ESRRG: variants seen among roughly 807,000 people sequenced by gnomAD.
The protein encoded by ESRRG is estrogen-related receptor gamma.
ESRRG carries 13 observed loss-of-function variants against 44.0 expected under a neutral mutation model. The observed-to-expected ratio is 0.30, with a 90% CI of 0.19 to 0.47. ESRRG has a LOEUF of 0.47. ESRRG is among the 20% of genes least tolerant of loss of function. ESRRG has a pLI of 1.00. For missense variants in ESRRG, 395 were observed against 580.6 expected (o/e 0.68, Z 3.29); for synonymous variants, 215 against 214.6 (o/e 1.00, Z -0.02).
At chr1:216,723,538 C>G (rs2086840139), upstream of ESRRG, 2 of 513,968 alleles carry the variant, frequency 3.9e-6, no homozygotes, top group South Asian at 5.0e-5. Context: ...GATTGGGGGG[C>G]CTCTGCCCAA....
chr1:216,542,068 ATGAC>A (rs2052995752), intron 5 of ESRRG, among the ~76,000 whole-genome samples: 1 of 123,234 alleles, frequency 8.1e-6, no homozygotes, highest in South Asian at 2.5e-4. Flanking sequence ...GTGTGTGTCT[ATGAC>A]AGAGAGAGAG....
At chr1:216,557,103 G>A (rs942138229) in intron 5 of ESRRG, among the ~76,000 whole-genome samples, 7 of 152,188 alleles carry the variant, frequency 4.6e-5, no homozygotes, top group East Asian at 3.9e-4. Flanking sequence ...TAAGGACTTC[G>A]CCAGCTCTTC....
intron 2 of ESRRG, among the ~76,000 whole-genome samples, chr1:216,921,498 C>T (rs1468475153): frequency 6.6e-6 from 1 of 152,174 alleles, no homozygotes; most frequent in Non-Finnish European, 1.5e-5. Flanking sequence ...CTCTTATTAA[C>T]TCTGAAGCCC....
At chr1:216,921,576 CT>C (rs1289304176) in intron 2 of ESRRG, among the ~76,000 whole-genome samples, 106 of 152,042 alleles carry the variant, frequency 7.0e-4, no homozygotes, top group African/African-American at 2.5e-3. Context: ...CCCCAGACAC[CT>C]AGGTGGCTGC....
chr1:216,534,169 C>T (rs113457444), intron 5 of ESRRG, among the ~76,000 whole-genome samples: 11 of 152,120 alleles, frequency 7.2e-5, no homozygotes, highest in African/African-American at 1.9e-4. Context: ...GTTGCTCCCA[C>T]GAAGGCCACC....
At chr1:216,821,834 T>C (rs541027002) in intron 2 of ESRRG, among the ~76,000 whole-genome samples, 193 of 152,060 alleles carry the variant, frequency 1.3e-3, no homozygotes, top group African/African-American at 4.6e-3. Context: ...CACTTGTGTC[T>C]TACAGTGCTA....
chr1:216,559,740 A>G (rs2058346131), intron 5 of ESRRG, among the ~76,000 whole-genome samples: 2 of 152,236 alleles, frequency 1.3e-5, no homozygotes, highest in African/African-American at 4.8e-5. Context: ...ACCAGTACCC[A>G]GTAATGAGTA....
intron 2 of ESRRG, among the ~76,000 whole-genome samples, chr1:216,731,913 A>C (rs2088856292): frequency 6.6e-6 from 1 of 152,200 alleles, no homozygotes; most frequent in South Asian, 2.1e-4. Context: ...AAATAAATCA[A>C]AGACCATTTT....
At chr1:216,600,756 A>G (rs2059104991) in intron 3 of ESRRG, among the ~76,000 whole-genome samples, 1 of 152,146 alleles carries the variant, frequency 6.6e-6, no homozygotes, top group Admixed American at 6.5e-5. Flanking sequence ...ACAATTAGGG[A>G]CCATGTCGTT....
At chr1:216,610,109 A>G (rs1574047219) in intron 3 of ESRRG, among the ~76,000 whole-genome samples, 1 of 152,258 alleles carries the variant, frequency 6.6e-6, no homozygotes, top group South Asian at 2.1e-4. Context: ...TTTAGTGGTC[A>G]TACATTTAGC....
intron 3 of ESRRG, among the ~76,000 whole-genome samples, chr1:216,569,188 A>G (rs2060286927): frequency 8.9e-6 from 1 of 111,962 alleles, no homozygotes; most frequent in African/African-American, 3.4e-5. Context: ...AAGGGAAGGG[A>G]AGGGAAAGGA....
chr1:216,540,273 C>T (rs923545243), intron 5 of ESRRG, among the ~76,000 whole-genome samples: 1 of 151,964 alleles, frequency 6.6e-6, no homozygotes. Flanking sequence ...AACTTCCGTA[C>T]TCTATGCAGA....
At chr1:216,978,780 A>T (rs2073418181) in intron 1 of ESRRG, among the ~76,000 whole-genome samples, 1 of 152,152 alleles carries the variant, frequency 6.6e-6, no homozygotes, top group Non-Finnish European at 1.5e-5. Context: ...CATGTCCACT[A>T]ATGAAATGAG....
intron 2 of ESRRG, among the ~76,000 whole-genome samples, chr1:216,886,148 G>A (rs1397725733): frequency 6.6e-6 from 1 of 152,100 alleles, no homozygotes; most frequent in Non-Finnish European, 1.5e-5. Context: ...ACAACCAGCT[G>A]AACACAACTG....
chr1:217,078,186 T>C (rs2091475628), intron 1 of ESRRG: 1 of 152,220 alleles, frequency 6.6e-6, no homozygotes. Flanking sequence ...ACAAATGTCT[T>C]AAGGAAGCCT....
chr1:216,658,765 G>A (rs1245431642), intron 2 of ESRRG, among the ~76,000 whole-genome samples: 5 of 151,946 alleles, frequency 3.3e-5, no homozygotes, highest in Admixed American at 1.3e-4. Context: ...CCCAGAAGGC[G>A]GAGGTTGGAG....
chr1:216,993,005 T>G (rs2075935704), intron 1 of ESRRG, among the ~76,000 whole-genome samples: 1 of 152,190 alleles, frequency 6.6e-6, no homozygotes, highest in Non-Finnish European at 1.5e-5. Flanking sequence ...CCCACTGATA[T>G]ATTTGTTTCA....
chr1:216,664,328 T>C (rs943503015), intron 2 of ESRRG, among the ~76,000 whole-genome samples: 26 of 152,058 alleles, frequency 1.7e-4, no homozygotes, highest in African/African-American at 6.3e-4. Flanking sequence ...AATATAATCA[T>C]GATAGAAGTG....
intron 5 of ESRRG, among the ~76,000 whole-genome samples, chr1:216,562,242 GC>G (rs1386305496): frequency 6.6e-6 from 1 of 152,140 alleles, no homozygotes; most frequent in African/African-American, 2.4e-5. Context: ...TAGTGACACA[GC>G]TTTTCACGCT....
Sources: allele counts gnomAD v4.1 joint callset (sites outside exome capture counted in the v4.1 genomes callset), GRCh38; gene constraint gnomAD v4.1.1; transcripts MANE v1.5; gene names NCBI Gene and HGNC (gene_info 2026-07-23, HGNC 2026-07-21).